CDH12: variants seen among roughly 807,000 people sequenced by gnomAD.
CDH12 encodes cadherin 12, also known as cadherin-12.
In CDH12, 41 loss-of-function variants were observed where a neutral mutation model predicts 74.1. The ratio of observed to expected loss-of-function variants is 0.55; its 90% confidence interval spans 0.43 to 0.72. The LOEUF is 0.72. Among genes scored for constraint, CDH12 ranks in the 30% least tolerant of loss-of-function variants. CDH12 has a pLI of 0.00. For missense variants in CDH12, 945 were observed against 977.2 expected, an observed-to-expected ratio of 0.97 and a Z score of 0.44; for synonymous variants, 399 against 355.0, an observed-to-expected ratio of 1.12 and a Z score of -1.39.
chr5:21,768,429 A>G lies in CDH12; in HGVS notation c.1394-3330T>C, dbSNP rs183182605. Among the ~76,000 whole-genome samples, 40 of 152,026 alleles carry G rather than the reference A, an allele frequency of 2.6e-4. No individual in the cohort carries two copies. In the East Asian group the frequency reaches 7.5e-3, roughly 29 times the overall value. On this transcript the variant is annotated intron_variant, in intron 11 of 14. Transcript: ENST00000382254. ...TAATGTACAGCTAAACTAAGAGAAA[A>G]AAAGGAAAATAATAAATTACCTAAA...
chr5:22,028,065 G>A (rs1323471409), intron 5 of CDH12, among the ~76,000 whole-genome samples: 14 of 152,054 alleles, frequency 9.2e-5, no homozygotes, highest in Admixed American at 1.3e-4. Flanking sequence ...CCTTCATTTC[G>A]TTATGTACCC....
At chr5:22,398,689 T>A (rs1410727468) in intron 3 of CDH12, among the ~76,000 whole-genome samples, 1 of 152,198 alleles carries the variant, frequency 6.6e-6, no homozygotes, top group Non-Finnish European at 1.5e-5. Flanking sequence ...ACCAGAGACA[T>A]CTGTTCCTTC....
chr5:22,003,358 A>T (rs1464959772), intron 5 of CDH12, among the ~76,000 whole-genome samples: 1 of 152,222 alleles, frequency 6.6e-6, no homozygotes, highest in Non-Finnish European at 1.5e-5. Flanking sequence ...TTATCAAAGC[A>T]ACTGAAATGA....
At chr5:21,915,544 C>T (rs1754047825) in intron 6 of CDH12, among the ~76,000 whole-genome samples, 1 of 151,860 alleles carries the variant, frequency 6.6e-6, no homozygotes, top group Non-Finnish European at 1.5e-5. Context: ...GTAGATTATA[C>T]ATGCAGATAG....
At chr5:21,954,032 A>T (rs1755985946) in intron 6 of CDH12, among the ~76,000 whole-genome samples, 2 of 152,070 alleles carry the variant, frequency 1.3e-5, no homozygotes, top group Admixed American at 1.3e-4. Context: ...ATGGAAAAGA[A>T]TTCTAAGATA....
chr5:21,765,195 T>C, intron 11 of CDH12, 96 bp from the exon 12 acceptor site: 2 of 1,032,270 alleles, frequency 1.9e-6, no homozygotes, highest in East Asian at 6.1e-5. Context: ...AATCAGCCTT[T>C]ATATAGAATG....
chr5:22,754,466 T>G (rs1745775232), intron 1 of CDH12, among the ~76,000 whole-genome samples: 1 of 151,386 alleles, frequency 6.6e-6, no homozygotes, highest in Non-Finnish European at 1.5e-5. Context: ...CTATGGCATC[T>G]GCTGTGGAAA....
intron 1 of CDH12, among the ~76,000 whole-genome samples, chr5:22,527,284 A>G (rs1040625102): frequency 6.6e-6 from 1 of 152,124 alleles, no homozygotes; most frequent in Non-Finnish European, 1.5e-5. Context: ...TGCTGGGTCT[A>G]TAAACTGGCT....
intron 6 of CDH12, among the ~76,000 whole-genome samples, chr5:21,947,534 G>C (rs1755634914): frequency 6.6e-6 from 1 of 152,194 alleles, no homozygotes; most frequent in Admixed American, 6.5e-5. Flanking sequence ...CTGTCCTAGA[G>C]ATCTGTGGAA....
intron 1 of CDH12, among the ~76,000 whole-genome samples, chr5:22,787,922 T>C (rs1202345842): frequency 6.6e-6 from 1 of 152,110 alleles, no homozygotes; most frequent in Non-Finnish European, 1.5e-5. Flanking sequence ...CATCTAATCT[T>C]AGAGATGACA....
chr5:22,377,333 AG>A (rs1561357181), intron 3 of CDH12, among the ~76,000 whole-genome samples: 1 of 152,022 alleles, frequency 6.6e-6, no homozygotes, highest in Non-Finnish European at 1.5e-5. Flanking sequence ...AGTTTATAAA[AG>A]TTTGGTAGAG....
At position 22,094,522 on chromosome 5, in the gene CDH12, G is replaced by A. The variant is rs570884316; in HGVS notation, c.-186-15660C>T. The stretch of plus-strand genomic sequence containing the variant: ...GGAGAAGGTAAGGACAGAAACTATC[G>A]TAACAGTAGGGGGTGGCATGGCCTG... On this transcript the variant is annotated intron_variant, in intron 4 of 14. Coordinates refer to ENST00000382254, the MANE Select transcript of CDH12 (RefSeq NM_004061.5). Among the ~76,000 whole-genome samples, 14 of 152,236 alleles carry A rather than the reference G, an allele frequency of 9.2e-5. No homozygotes were observed. The South Asian group carries it at 1.0e-3, about 11-fold the overall frequency.
intron 1 of CDH12, among the ~76,000 whole-genome samples, chr5:22,705,740 G>A (rs1446885852): frequency 1.3e-5 from 2 of 151,850 alleles, no homozygotes; most frequent in Non-Finnish European, 2.9e-5. Flanking sequence ...TATACACTGA[G>A]GGATAAGGAG....
chr5:21,977,220 T>A (rs1317365651), intron 5 of CDH12, among the ~76,000 whole-genome samples: 2 of 152,036 alleles, frequency 1.3e-5, no homozygotes, highest in Non-Finnish European at 2.9e-5. Flanking sequence ...TACTTAAGTA[T>A]AAAGAAAATT....
At chr5:21,929,120 C>CTGTAGGAA (rs988595052) in intron 6 of CDH12, among the ~76,000 whole-genome samples, 1 of 151,834 alleles carries the variant, frequency 6.6e-6, no homozygotes, top group Non-Finnish European at 1.5e-5. Flanking sequence ...CAAAATTGGG[C>CTGTAGGAA]TGTAGGAATG....
At chr5:21,995,735 C>G (rs1736250044) in intron 5 of CDH12, among the ~76,000 whole-genome samples, 1 of 151,680 alleles carries the variant, frequency 6.6e-6, no homozygotes, top group Non-Finnish European at 1.5e-5. Flanking sequence ...CCAAGCTAAC[C>G]TCTCTCCTAT....
At chr5:22,317,614 A>C (rs565380038) in intron 3 of CDH12, among the ~76,000 whole-genome samples, 1 of 152,264 alleles carries the variant, frequency 6.6e-6, no homozygotes, top group African/African-American at 2.4e-5. Flanking sequence ...GTTTTCACTT[A>C]AAAGGGGTAT....
chr5:22,267,556 G>A (rs1262954462), intron 3 of CDH12, among the ~76,000 whole-genome samples: 1 of 152,116 alleles, frequency 6.6e-6, no homozygotes, highest in Non-Finnish European at 1.5e-5. Context: ...GACCTCAGCT[G>A]TATTCAAAGG....
Position 22,448,608 on chromosome 5 carries a change from TC to T in CDH12, c.-427-43258del, listed in dbSNP as rs200437417. ...TGAATGCTTACACTAACTTTAAATC[TC>T]CTTTTGACTATAAAGTTCCAGATAT... On this transcript the variant is annotated intron_variant, in intron 2 of 14. Transcript: ENST00000382254. Among the ~76,000 whole-genome samples, 608 of 152,204 alleles carry T rather than the reference TC, an allele frequency of 4.0e-3. 7 individuals are homozygous for T. The highest frequency in any genetic ancestry group is 0.014 in the African/African-American group (578 of 41,558).
Sources: gnomAD v4.1 joint callset for allele counts (sites outside exome capture counted in the v4.1 genomes callset) on GRCh38, gnomAD v4.1.1 for gene constraint, MANE v1.5 for transcripts, NCBI Gene and HGNC (gene_info 2026-07-23, HGNC 2026-07-21) for gene names.